The following SPTSSA variants were observed in gnomAD, a reference collection of about 807,000 sequenced individuals.
SPTSSA encodes the protein serine palmitoyltransferase small subunit A, also known as small subunit of serine palmitoyltransferase A.
Under a neutral mutation model 9.1 loss-of-function variants are expected in SPTSSA, and 8 were observed. The ratio of observed to expected loss-of-function variants is 0.88; its 90% CI spans 0.51 to 1.58. SPTSSA has a LOEUF of 1.58. Ranked by LOEUF, SPTSSA falls within the 40% of genes most tolerant of loss-of-function variation. The pLI, the probability that SPTSSA is intolerant of heterozygous loss-of-function variation, is 0.00. For synonymous variants in SPTSSA, 42 were observed against 37.7 expected (o/e 1.11, Z -0.41); for missense variants, 100 against 93.8 (o/e 1.07, Z -0.27).
chr14:34,440,972 A>G (rs1417313720), intron 1 of SPTSSA, among the ~76,000 whole-genome samples: 1 of 152,188 alleles, frequency 6.6e-6, no homozygotes. Flanking sequence ...TTACATGCCT[A>G]TAAAAGCATG....
chr14:34,459,437 C>T (rs1878566065), intron 1 of SPTSSA, among the ~76,000 whole-genome samples: 1 of 136,138 alleles, frequency 7.3e-6, no homozygotes, highest in African/African-American at 2.8e-5. Context: ...CCAGCCTCGG[C>T]AACAGAGCGA....
intron 1 of SPTSSA, among the ~76,000 whole-genome samples, chr14:34,456,855 C>T (rs987107898): frequency 1.1e-4 from 16 of 149,576 alleles, no homozygotes; most frequent in Admixed American, 2.7e-4. Flanking sequence ...GCCAAGATCG[C>T]GCCACTGCAC....
chr14:34,437,146 C>A (rs1883253634), intron 1 of SPTSSA, among the ~76,000 whole-genome samples: 1 of 152,316 alleles, frequency 6.6e-6, no homozygotes, highest in South Asian at 2.1e-4. Context: ...TCCATTTATG[C>A]CTGTAGTGCC....
intron 1 of SPTSSA, 135 bp from the exon 2 acceptor site, chr14:34,435,439 A>C: frequency 3.6e-6 from 2 of 552,442 alleles, no homozygotes; most frequent in South Asian, 5.5e-5. Context: ...CTGATAAAAA[A>C]AACAACAAGA....
intron 1 of SPTSSA, among the ~76,000 whole-genome samples, chr14:34,455,686 C>CT (rs1398328106): frequency 6.6e-6 from 1 of 152,022 alleles, no homozygotes. Context: ...AATCCCAGCA[C>CT]TTTGGGAAGC....
intron 1 of SPTSSA, among the ~76,000 whole-genome samples, chr14:34,441,200 G>T (rs965708644): frequency 2.6e-5 from 4 of 152,190 alleles, no homozygotes; most frequent in African/African-American, 7.2e-5. Context: ...GATCACTTGA[G>T]ACCAGTGAGG....
intron 1 of SPTSSA, among the ~76,000 whole-genome samples, chr14:34,454,200 T>C (rs1451831118): frequency 6.6e-6 from 1 of 151,872 alleles, no homozygotes; most frequent in Non-Finnish European, 1.5e-5. Flanking sequence ...GAAAAAAAAA[T>C]CTATCTTAGC....
At position 34,433,725 on chromosome 14, in the gene SPTSSA, A is replaced by C. The variant is rs1314931957; in HGVS notation, c.*1476T>G. The C allele has an allele frequency of 1.3e-5, 2 of 152,170 alleles. No individual in the cohort carries two copies. The highest frequency in any genetic ancestry group is 2.9e-5 in the Non-Finnish European group (2 of 68,080). The allele number at this position is 152,170 out of a possible 1,614,324, so 9.4% of individuals were successfully genotyped here. On this transcript the variant is annotated 3_prime_UTR_variant, in exon 2 of 2. Coordinates refer to ENST00000298130, the MANE Select transcript of SPTSSA (RefSeq NM_138288.4). The stretch of plus-strand genomic sequence containing the variant: ...ACGCCTGTAAACCCAGCACTTTGGG[A>C]GGCCGAGGCAGGTGGATCAGGAGGT...
intron 1 of SPTSSA, among the ~76,000 whole-genome samples, chr14:34,446,987 G>A (rs1883432215): frequency 6.6e-6 from 1 of 151,890 alleles, no homozygotes; most frequent in Admixed American, 6.6e-5. Context: ...ACTTTGAGAG[G>A]CCGAGGCAGG....
intron 1 of SPTSSA, among the ~76,000 whole-genome samples, chr14:34,457,276 T>C (rs1056616424): frequency 6.6e-6 from 1 of 151,092 alleles, no homozygotes; most frequent in Non-Finnish European, 1.5e-5. Context: ...TATTTTTAAT[T>C]TTCTCAACTC....
chr14:34,461,863 A>G (rs797011127), intron 1 of SPTSSA, among the ~76,000 whole-genome samples: 2 of 152,200 alleles, frequency 1.3e-5, no homozygotes, highest in African/African-American at 4.8e-5. Flanking sequence ...CCTTGGGTCC[A>G]GCGACTCACA....
At position 34,433,187 on chromosome 14, in the gene SPTSSA, A is replaced by G. The variant is rs1334298547; in HGVS notation, c.*2014T>C. The G allele has an allele frequency of 6.6e-6, 1 of 152,170 alleles. No homozygotes were observed. The highest frequency in any genetic ancestry group is 1.9e-4 in the East Asian group (1 of 5,198). The allele number at this position is 152,170 out of a possible 1,614,324, so 9.4% of individuals were successfully genotyped here. A position where few individuals can be genotyped will look rare whatever the true frequency, so the allele number is the denominator to read the frequency against. On this transcript the variant is annotated 3_prime_UTR_variant, in exon 2 of 2. Transcript: ENST00000298130. ...CCTGTAAGACCAAACTTTATCTTCC[A>G]TATGTCTCACAGGTCAGTGTTCATA...
chr14:34,444,921 G>A (rs368647168), intron 1 of SPTSSA, among the ~76,000 whole-genome samples: 9 of 151,418 alleles, frequency 5.9e-5, no homozygotes, highest in South Asian at 4.2e-4. Flanking sequence ...GTGAAACCCC[G>A]TCTCAGCTAA....
intron 1 of SPTSSA, among the ~76,000 whole-genome samples, chr14:34,456,066 A>AT (rs1247996760): frequency 1.3e-5 from 2 of 151,894 alleles, no homozygotes; most frequent in Non-Finnish European, 1.5e-5. Flanking sequence ...GCTCACACCT[A>AT]TAATCCCAGC....
intron 1 of SPTSSA, among the ~76,000 whole-genome samples, chr14:34,450,781 G>A (rs143662231): frequency 1.3e-5 from 2 of 152,238 alleles, no homozygotes; most frequent in Admixed American, 6.5e-5. Context: ...TCCCAGAATT[G>A]AGCAAATAAT....
intron 1 of SPTSSA, among the ~76,000 whole-genome samples, chr14:34,446,160 C>T (rs995943881): frequency 6.6e-6 from 1 of 152,168 alleles, no homozygotes; most frequent in African/African-American, 2.4e-5. Context: ...GACTGTCCTC[C>T]CCATCCACAC....
At chr14:34,450,874 C>T (rs1012238309) in intron 1 of SPTSSA, among the ~76,000 whole-genome samples, 3 of 151,970 alleles carry the variant, frequency 2.0e-5, no homozygotes, top group Non-Finnish European at 2.9e-5. Context: ...ATAACCTGGG[C>T]ATAACATAAA....
At chr14:34,442,488 A>C (rs1883335389) in intron 1 of SPTSSA, among the ~76,000 whole-genome samples, 1 of 152,180 alleles carries the variant, frequency 6.6e-6, no homozygotes, top group African/African-American at 2.4e-5. Flanking sequence ...ACCCCACAGG[A>C]GGTTGCTCCA....
intron 1 of SPTSSA, among the ~76,000 whole-genome samples, chr14:34,446,168 CACT>C (rs1276167537): frequency 1.3e-5 from 2 of 152,190 alleles, no homozygotes; most frequent in African/African-American, 2.4e-5. Flanking sequence ...TCCCCATCCA[CACT>C]ACAACAAAAC....
Sources: gnomAD v4.1 joint callset for allele counts (sites outside exome capture counted in the v4.1 genomes callset) on GRCh38, gnomAD v4.1.1 for gene constraint, MANE v1.5 for transcripts, NCBI Gene and HGNC (gene_info 2026-07-23, HGNC 2026-07-21) for gene names.